Variants in EYS observed in about 807,000 individuals in gnomAD.
EYS encodes protein eyes shut homolog.
In EYS, 250 loss-of-function variants were observed where a neutral mutation model predicts 282.1. The ratio of observed to expected loss-of-function variants is 0.89; its 90% CI spans 0.80 to 0.98. EYS has a LOEUF of 0.98. Among genes scored for constraint, EYS ranks in the 50% least tolerant of loss-of-function variants. EYS has a pLI of 0.00. For synonymous variants in EYS, 1,355 were observed against 1,282.9 expected (o/e 1.06, Z -1.20); for missense variants, 4,016 against 3,709.0 (o/e 1.08, Z -2.15).
At chr6:64,522,627 G>C (rs1433557466) in intron 26 of EYS, among the ~76,000 whole-genome samples, 1 of 151,730 alleles carries the variant, frequency 6.6e-6, no homozygotes, top group Non-Finnish European at 1.5e-5. Flanking sequence ...CCGGGGGCAA[G>C]ACTGAGCAGG....
intron 31 of EYS, among the ~76,000 whole-genome samples, chr6:64,157,527 C>T (rs1359494691): frequency 1.3e-5 from 2 of 152,146 alleles, no homozygotes; most frequent in Admixed American, 1.3e-4. Context: ...CCATTACAGG[C>T]CCGGAGGCCA....
chr6:63,887,397 C>T (rs531871439), intron 35 of EYS, among the ~76,000 whole-genome samples: 1 of 144,474 alleles, frequency 6.9e-6, no homozygotes, highest in East Asian at 2.1e-4. Context: ...CTCCAGTCTG[C>T]AGCTCCCACT....
chr6:64,271,608 G>A (rs1419412166), intron 30 of EYS, among the ~76,000 whole-genome samples: 1 of 152,080 alleles, frequency 6.6e-6, no homozygotes, highest in African/African-American at 2.4e-5. Context: ...GAGAAAGAGT[G>A]TCATATGTAT....
intron 12 of EYS, among the ~76,000 whole-genome samples, chr6:65,090,864 G>A (rs1581901117): frequency 6.6e-6 from 1 of 152,006 alleles, no homozygotes; most frequent in East Asian, 1.9e-4. Context: ...CTATAAATTA[G>A]GGGTAGTAAT....
chr6:64,535,431 G>C (rs889265753), intron 26 of EYS, among the ~76,000 whole-genome samples: 1 of 151,916 alleles, frequency 6.6e-6, no homozygotes, highest in Non-Finnish European at 1.5e-5. Context: ...AATTACCTTG[G>C]GTCTACAATC....
chr6:65,358,617 T>C (rs1764584732), intron 8 of EYS, among the ~76,000 whole-genome samples: 1 of 151,066 alleles, frequency 6.6e-6, no homozygotes, highest in Non-Finnish European at 1.5e-5. Flanking sequence ...TGTGTGTGTG[T>C]GTGTGTGTGT....
intron 29 of EYS, among the ~76,000 whole-genome samples, chr6:64,345,986 T>C (rs1340480768): frequency 6.6e-6 from 1 of 152,060 alleles, no homozygotes; most frequent in Non-Finnish European, 1.5e-5. Flanking sequence ...GAAATGCAAA[T>C]CAAAACCATG....
chr6:63,841,821 C>T (rs955455638), intron 36 of EYS, among the ~76,000 whole-genome samples: 2 of 152,154 alleles, frequency 1.3e-5, no homozygotes, highest in African/African-American at 4.8e-5. Flanking sequence ...CATATGTTCT[C>T]ATTGTTCAAC....
chr6:65,566,461 C>T (rs12191952), intron 2 of EYS, among the ~76,000 whole-genome samples: 1 of 152,082 alleles, frequency 6.6e-6, no homozygotes, highest in African/African-American at 2.4e-5. Context: ...GGCACTCAAT[C>T]TGTTGAGTTG....
At chr6:64,308,335 A>G (rs1769537676) in intron 29 of EYS, among the ~76,000 whole-genome samples, 2 of 152,116 alleles carry the variant, frequency 1.3e-5, no homozygotes, top group African/African-American at 4.8e-5. Context: ...GTGAACAAAA[A>G]TAACCTAATC....
At chr6:64,429,407 G>T (rs576986987) in intron 28 of EYS, among the ~76,000 whole-genome samples, 2 of 152,308 alleles carry the variant, frequency 1.3e-5, no homozygotes, top group South Asian at 2.1e-4. Context: ...AAGGCAGGTG[G>T]ATCAGTTGAG....
chr6:65,206,167 T>G (rs1482829319), intron 12 of EYS, among the ~76,000 whole-genome samples: 1 of 151,538 alleles, frequency 6.6e-6, no homozygotes, highest in East Asian at 1.9e-4. Flanking sequence ...GACAGAAGAC[T>G]CAGATAAGCA....
chr6:64,067,414 A>G (rs1771410587), intron 32 of EYS, among the ~76,000 whole-genome samples: 2 of 152,072 alleles, frequency 1.3e-5, no homozygotes, highest in African/African-American at 2.4e-5. Context: ...AAAAGTAACC[A>G]CTATCTTGAT....
At chr6:65,617,126 T>A (rs1766229709) in intron 2 of EYS, among the ~76,000 whole-genome samples, 1 of 152,200 alleles carries the variant, frequency 6.6e-6, no homozygotes, top group South Asian at 2.1e-4. Flanking sequence ...TTTAATGTGC[T>A]TGTTTCTGCA....
rs530330328 is a variant in EYS at position 64,322,716 on chromosome 6, A to G, written c.6079-15634T>C. ...TGACAAAATTACAGGACAACATTTG[A>G]AGCTATGTTTCTAAAGTTTTCAGGT... is the stretch of plus-strand genomic sequence containing the variant. On this transcript the variant is annotated intron_variant, in intron 29 of 42. Transcript: ENST00000503581. Among the ~76,000 whole-genome samples the G allele has an allele frequency of 2.0e-5, 3 of 152,198 alleles. No homozygotes were observed. In the East Asian group the frequency reaches 5.8e-4, roughly 29 times the overall value.
chr6:65,369,929 CAG>C (rs1361247704), intron 8 of EYS, among the ~76,000 whole-genome samples: 1 of 151,636 alleles, frequency 6.6e-6, no homozygotes, highest in Admixed American at 6.7e-5. Context: ...ACTGACAACC[CAG>C]TCCCTAAGTG....
At chr6:64,946,039 C>T in intron 14 of EYS, 125 bp from the exon 15 acceptor site, 3 of 661,060 alleles carry the variant, frequency 4.5e-6, no homozygotes, top group Non-Finnish European at 2.4e-6. Context: ...TATAGAATGC[C>T]AATACTCCCC....
intron 33 of EYS, among the ~76,000 whole-genome samples, chr6:64,002,215 A>C (rs1768130071): frequency 6.6e-6 from 1 of 152,182 alleles, no homozygotes; most frequent in African/African-American, 2.4e-5. Context: ...TGGGTGGCCC[A>C]ACTCCAGGGG....
intron 5 of EYS, among the ~76,000 whole-genome samples, chr6:65,488,418 C>A (rs1582366619): frequency 6.6e-6 from 1 of 152,018 alleles, no homozygotes; most frequent in East Asian, 1.9e-4. Flanking sequence ...TTTCTGCCTT[C>A]ATTTTGTGAA....
Sources: gnomAD v4.1 joint callset for allele counts (sites outside exome capture counted in the v4.1 genomes callset) on GRCh38, gnomAD v4.1.1 for gene constraint, MANE v1.5 for transcripts, NCBI Gene and HGNC (gene_info 2026-07-23, HGNC 2026-07-21) for gene names.